The following AFG2A variants were observed in gnomAD, a reference collection of about 807,000 sequenced individuals.
AFG2A encodes ATPase family gene 2 protein homolog A.
At chr4:123,039,568 C>T in the AFG2A span, among the ~76,000 whole-genome samples, 1 of 151,840 alleles carries the variant, frequency 6.6e-6, no homozygotes, top group Non-Finnish European at 1.5e-5. Context: ...CTTAATTTAC[C>T]ACATGTAAAT....
the AFG2A span, among the ~76,000 whole-genome samples, chr4:123,052,353 G>A: frequency 3.5e-3 from 536 of 152,130 alleles, 3 homozygotes; most frequent in Middle Eastern, 0.014. Context: ...AATCGATTCC[G>A]TCTGTTTTCT....
the AFG2A span, among the ~76,000 whole-genome samples, chr4:123,088,940 C>G: frequency 3.3e-5 from 5 of 152,106 alleles, no homozygotes; most frequent in Non-Finnish European, 7.4e-5. Flanking sequence ...TTATAGTGTT[C>G]AATGTTTATT....
the AFG2A span, among the ~76,000 whole-genome samples, chr4:123,213,790 C>A: frequency 6.6e-6 from 1 of 152,134 alleles, no homozygotes; most frequent in Non-Finnish European, 1.5e-5. Context: ...TGACAACCAA[C>A]CTTCCAGCTA....
At chr4:123,116,572 T>C in the AFG2A span, among the ~76,000 whole-genome samples, 1 of 152,170 alleles carries the variant, frequency 6.6e-6, no homozygotes, top group African/African-American at 2.4e-5. Context: ...AATGCTGAGA[T>C]TGAGAAACCC....
At chr4:122,945,926 C>G in the AFG2A span, among the ~76,000 whole-genome samples, 2 of 152,176 alleles carry the variant, frequency 1.3e-5, no homozygotes, top group African/African-American at 4.8e-5. Context: ...GGGTTGTCAC[C>G]TGGTGGAGGC....
At chr4:123,270,105 A>G in the AFG2A span, among the ~76,000 whole-genome samples, 44 of 152,310 alleles carry the variant, frequency 2.9e-4, no homozygotes, top group East Asian at 7.1e-3. Flanking sequence ...GTGAGCCACC[A>G]CACCCAGCCA....
the AFG2A span, among the ~76,000 whole-genome samples, chr4:122,975,920 GA>G: frequency 6.6e-6 from 1 of 152,104 alleles, no homozygotes. Context: ...GGAAGCAGGG[GA>G]TCTATTTTTG....
chr4:122,957,306 A>T, the AFG2A span, among the ~76,000 whole-genome samples: 27 of 152,350 alleles, frequency 1.8e-4, no homozygotes, highest in Non-Finnish European at 3.4e-4. Context: ...TATAAAGCAG[A>T]CTAATGTTGG....
At chr4:123,146,209 CT>C in the AFG2A span, among the ~76,000 whole-genome samples, 1 of 152,104 alleles carries the variant, frequency 6.6e-6, no homozygotes, top group African/African-American at 2.4e-5. Flanking sequence ...AGAAAACTTA[CT>C]GTACCAACAC....
the AFG2A span, among the ~76,000 whole-genome samples, chr4:123,139,175 A>T: frequency 6.6e-6 from 1 of 152,154 alleles, no homozygotes; most frequent in South Asian, 2.1e-4. Context: ...TTCCAAGTAC[A>T]TAGAGTGAAA....
At chr4:123,173,369 T>TTTTTTTTTTTTTTTTTTTTTTC in the AFG2A span, among the ~76,000 whole-genome samples, 1 of 93,736 alleles carries the variant, frequency 1.1e-5, no homozygotes, top group Non-Finnish European at 2.6e-5. Context: ...TTTTTTTTTT[T>TTTTTTTTTTTTTTTTTTTTTTC]TTTTGAGTCG....
the AFG2A span, among the ~76,000 whole-genome samples, chr4:123,149,241 T>G: frequency 2.0e-5 from 3 of 152,280 alleles, no homozygotes; most frequent in East Asian, 5.8e-4. Flanking sequence ...GAGTCTTTGC[T>G]GCAACACTTG....
At chr4:122,992,982 G>GTGTGTGTGTGTGTGGTGTGTGTGTA in the AFG2A span, among the ~76,000 whole-genome samples, 1,034 of 151,554 alleles carry the variant, frequency 6.8e-3, 13 homozygotes, top group African/African-American at 0.023. Flanking sequence ...GTGTATGTGT[G>GTGTGTGTGTGTGTGGTGTGTGTGTA]TGTGTGTGTG....
the AFG2A span, chr4:122,936,046 C>G: frequency 1.4e-6 from 2 of 1,455,026 alleles, no homozygotes; most frequent in Non-Finnish European, 1.9e-6. Flanking sequence ...CTTTTATAGA[C>G]AAAGCTTTAA....
chr4:123,093,614 C>G, the AFG2A span, among the ~76,000 whole-genome samples: 11 of 152,138 alleles, frequency 7.2e-5, no homozygotes, highest in Non-Finnish European at 1.5e-5. Flanking sequence ...CCTTATTCCC[C>G]CCTCAGAGAT....
chr4:123,102,695 G>A, the AFG2A span, among the ~76,000 whole-genome samples: 1 of 151,788 alleles, frequency 6.6e-6, no homozygotes, highest in South Asian at 2.1e-4. Flanking sequence ...GGGACTATAT[G>A]TTGAATGTTT....
chr4:122,923,156 A>G, the AFG2A span: 2 of 1,614,212 alleles, frequency 1.2e-6, no homozygotes, highest in Non-Finnish European at 1.7e-6. Context: ...TCTTCCAAGA[A>G]GAATAGAAAG....
the AFG2A span, among the ~76,000 whole-genome samples, chr4:122,936,417 G>T: frequency 6.6e-6 from 1 of 152,180 alleles, no homozygotes; most frequent in Non-Finnish European, 1.5e-5. Context: ...AGAAATCCAT[G>T]ACTTTCTTTA....
the AFG2A span, among the ~76,000 whole-genome samples, chr4:123,263,097 A>C: frequency 6.6e-6 from 1 of 152,188 alleles, no homozygotes; most frequent in Non-Finnish European, 1.5e-5. Context: ...TATCATCCGA[A>C]CTTGCTTTTC....
Sources: gnomAD v4.1 joint callset for allele counts (sites outside exome capture counted in the v4.1 genomes callset) on GRCh38, gnomAD v4.1.1 for gene constraint, MANE v1.5 for transcripts, NCBI Gene and HGNC (gene_info 2026-07-23, HGNC 2026-07-21) for gene names.